NCAPD2: variants seen among roughly 807,000 people sequenced by gnomAD.
The protein encoded by NCAPD2 is non-SMC condensin I complex subunit D2.
In NCAPD2, 100 loss-of-function variants were observed where a neutral mutation model predicts 164.5. That is an observed-to-expected ratio of 0.61 (90% CI 0.52 to 0.72). The LOEUF is 0.72. NCAPD2 is among the 30% of genes least tolerant of loss of function. The pLI is 0.00. For missense variants in NCAPD2, 1,560 were observed against 1,749.2 expected (o/e 0.89, Z 1.93); for synonymous variants, 585 against 642.6 (o/e 0.91, Z 1.36).
intron 2 of NCAPD2, among the ~76,000 whole-genome samples, chr12:6,497,427 A>G (rs1945994401): frequency 1.3e-5 from 2 of 151,244 alleles, no homozygotes; most frequent in African/African-American, 2.4e-5. Context: ...TGTATTAGCT[A>G]TTTTTTTCTT....
In NCAPD2 at chr12:6,504,353, G is replaced by C. The variant is rs189660185; in HGVS notation, c.128-5364G>C. Among the ~76,000 whole-genome samples the C allele has an allele frequency of 1.3e-4, 20 of 151,396 alleles. No individual in the cohort carries two copies. In the East Asian group the frequency reaches 3.1e-3, roughly 23 times the overall value. On this transcript the variant is annotated intron_variant, in intron 2 of 31. Transcript: ENST00000315579. ...AAAACTTAAACACTTATAGCCTACT[G>C]TTGACCAGAAGCCTTACAAGTAACA...
intron 22 of NCAPD2, 143 bp downstream of exon 22, chr12:6,527,206 A>G: frequency 1.1e-6 from 1 of 909,890 alleles, no homozygotes; most frequent in Non-Finnish European, 1.6e-6. Context: ...ACCGTAGGAA[A>G]GGTTCGTGTG....
chr12:6,529,500 C>T lies in NCAPD2; in HGVS notation c.3573-13C>T, dbSNP rs7316224. Reference sequence around the variant, plus strand: ...CCTGGGCCATCGAACATCCTCATCTCCCCTTCCTGCAGACAGCTCCTCTCC... The same window carrying T: ...CCTGGGCCATCGAACATCCTCATCTTCCCTTCCTGCAGACAGCTCCTCTCC... On this transcript the variant is annotated splice_polypyrimidine_tract_variant and intron_variant, in intron 27 of 31. Coordinates refer to ENST00000315579, the MANE Select transcript of NCAPD2 (RefSeq NM_014865.4). 0.28 allele frequency: 444,605 copies of T among 1,612,308 alleles called. 65,294 individuals are homozygous for T. Among genetic ancestry groups the T allele is most frequent in the African/African-American group, 0.52 (38,621 of 74,890 alleles).
chr12:6,525,000 C>T (rs1455638030), intron 17 of NCAPD2, among the ~76,000 whole-genome samples: 3 of 151,988 alleles, frequency 2.0e-5, no homozygotes, highest in South Asian at 2.1e-4. Context: ...ACAGAAGGGA[C>T]GTGGGGAAGC....
At chr12:6,507,389 T>C (rs1353705381) in intron 2 of NCAPD2, among the ~76,000 whole-genome samples, 1 of 152,170 alleles carries the variant, frequency 6.6e-6, no homozygotes, top group African/African-American at 2.4e-5. Context: ...CTAAGGAAAA[T>C]GAACATTCAA....
At position 6,528,208 on chromosome 12, in the gene NCAPD2, T is replaced by C. The variant is rs1395790061; in HGVS notation, c.3179T>C (p.Phe1060Ser). The C allele has an allele frequency of 6.2e-7, 1 of 1,614,204 alleles. No homozygotes were observed. The highest frequency in any genetic ancestry group is 1.1e-5 in the South Asian group (1 of 91,082). The change falls in exon 25 of 32, where the codon TTC becomes TCC. Residue 1060 changes from phenylalanine (F) to serine (S), a missense_variant. Phe to Ser is a radical substitution (Grantham distance 155, BLOSUM62 -2). Transcript: ENST00000315579. The surrounding 1 kb of genome is among the most constrained non-coding windows in gnomAD (Gnocchi z 5.1). ...TFCDSQLRLL[F>S]TMLEKSPLPI... is the part of the protein sequence containing the mutation. ...TGCGACTCCCAGCTTCGTCTTCTGT[T>C]CACCATGCTGGAAAAGTCTCCACTT...
chr12:6,506,086 A>C (rs1946096817), intron 2 of NCAPD2, among the ~76,000 whole-genome samples: 1 of 151,730 alleles, frequency 6.6e-6, no homozygotes, highest in African/African-American at 2.4e-5. Context: ...AGCCTCCAGA[A>C]CAGCTAGGAC....
At chr12:6,510,462 T>C (rs1490721316) in intron 4 of NCAPD2, 167 bp from the exon 5 acceptor site, 8 of 837,674 alleles carry the variant, frequency 9.6e-6, no homozygotes, top group African/African-American at 1.7e-5. Context: ...CAGGGCATGT[T>C]CAGGGTATCA....
At chr12:6,514,186 A>T (rs1946178056) in intron 6 of NCAPD2, 79 bp from the exon 7 acceptor site, 4 of 1,579,090 alleles carry the variant, frequency 2.5e-6, no homozygotes, top group East Asian at 2.2e-5. Context: ...AGCAGTAGGG[A>T]TAGAATGAAT....
rs1565544111 is a variant in NCAPD2 at position 6,518,507 on chromosome 12, T to TTTTTTTTTTG, written c.1589+557_1589+558insGTTTTTTTTT. Among the ~76,000 whole-genome samples, 9 of 88,312 alleles carry TTTTTTTTTTG rather than the reference T, an allele frequency of 1.0e-4. 1 individual carries two copies. Among genetic ancestry groups the TTTTTTTTTTG allele is most frequent in the African/African-American group, 2.2e-4 (4 of 17,874 alleles). 57.9% of individuals were successfully genotyped at this position (88,312 alleles called of 152,430 possible). On this transcript the variant is annotated intron_variant, in intron 13 of 31. Transcript: ENST00000315579. ...AAGCCCTTACAGCCGTCAACAAGTT[T>TTTTTTTTTTG]TTTTTTTTTTTTTTTTTTTTTTTTT...
At chr12:6,502,040 G>A (rs1946043129) in intron 2 of NCAPD2, among the ~76,000 whole-genome samples, 1 of 152,168 alleles carries the variant, frequency 6.6e-6, no homozygotes, top group African/African-American at 2.4e-5. Flanking sequence ...AAGATGGGCA[G>A]CATTATGTGT....
In NCAPD2 at chr12:6,516,796, A is replaced by G. The variant is rs772696155; in HGVS notation, c.988-32A>G. 10 of 1,606,768 alleles carry G rather than the reference A, an allele frequency of 6.2e-6. No individual in the cohort carries two copies. The East Asian group carries it at 1.6e-4, about 25-fold the overall frequency. On this transcript the variant is annotated intron_variant, in intron 9 of 31. Coordinates refer to ENST00000315579, the MANE Select transcript of NCAPD2 (RefSeq NM_014865.4). ...CACAAGCAAGCTTCGCCTTGACTAA[A>G]GGTTTGACCCCTCTATGCTTCTCTC...
chr12:6,529,043 T>C lies in NCAPD2; in HGVS notation c.3572+4T>C, dbSNP rs1417287317. The C allele has an allele frequency of 6.2e-7, 1 of 1,611,600 alleles. No individual in the cohort carries two copies. Among genetic ancestry groups the C allele is most frequent in the Non-Finnish European group, 8.5e-7 (1 of 1,179,336 alleles). On this transcript the variant is annotated splice_donor_region_variant and intron_variant, in intron 27 of 31. Coordinates refer to ENST00000315579, the MANE Select transcript of NCAPD2 (RefSeq NM_014865.4). ...AGCCTTTCCACACCATCATGAAGTATTGCTCCCCGGGCCCTGGGGCACATT... is the reference window on the plus strand; with the variant it reads ...AGCCTTTCCACACCATCATGAAGTACTGCTCCCCGGGCCCTGGGGCACATT...
chr12:6,514,538 C>T lies in NCAPD2; in HGVS notation c.790C>T (p.Leu264=). 1 of 1,614,214 alleles carries T rather than the reference C, an allele frequency of 6.2e-7. No individual in the cohort carries two copies. Among genetic ancestry groups the T allele is most frequent in the Non-Finnish European group, 8.5e-7 (1 of 1,180,042 alleles). The change falls in exon 8 of 32, where the codon CTA becomes TTA. Residue 264 remains leucine (L), a synonymous_variant. Coordinates refer to ENST00000315579, the MANE Select transcript of NCAPD2 (RefSeq NM_014865.4). ...ACCTGTACTGGTTGCAGCCGTGAGT[C>T]TATGGGCAACTGACTATGGAATGAA... ...LAPVLVAAVS[L]WATDYGMKSI...
chr12:6,510,911 C>T (rs945532980), intron 5 of NCAPD2, 101 bp downstream of exon 5: 1 of 1,428,596 alleles, frequency 7.0e-7, no homozygotes, highest in East Asian at 2.3e-5. Context: ...TTTCTGTCCT[C>T]ATTGAGAATT....
intron 5 of NCAPD2, 98 bp downstream of exon 5, chr12:6,510,908 C>T: frequency 3.5e-6 from 5 of 1,434,114 alleles, no homozygotes; most frequent in Non-Finnish European, 3.8e-6. Flanking sequence ...TCCTTTCTGT[C>T]CTCATTGAGA....
Position 6,526,317 on chromosome 12 carries a change from C to G in NCAPD2, c.2512C>G (p.Arg838Gly), listed in dbSNP as rs527891354. The G allele has an allele frequency of 6.2e-7, 1 of 1,614,070 alleles. No individual in the cohort carries two copies. The highest frequency in any genetic ancestry group is 1.3e-5 in the African/African-American group (1 of 74,926). Reference sequence around the variant, plus strand: ...TCTGGGCAAACGTCACCCCCCCTTCCGGCTGCCTCAGGAACACAGGTTGTT... The same window carrying G: ...TCTGGGCAAACGTCACCCCCCCTTCGGGCTGCCTCAGGAACACAGGTTGTT... ...PSLGKRHPPF[R>G]LPQEHRLFER... is the part of the protein sequence containing the mutation. Residue 838 changes from arginine to glycine, a missense_variant, in exon 20 of 32, where the codon CGG becomes GGG. Arg to Gly is a moderately radical substitution (Grantham distance 125, BLOSUM62 -2). Coordinates refer to ENST00000315579, the MANE Select transcript of NCAPD2 (RefSeq NM_014865.4).
chr12:6,502,151 G>A lies in NCAPD2; in HGVS notation c.127+6926G>A, dbSNP rs531441437. ...GTGCCTTTAGTAGGTAAGAGAGTAC[G>A]TGATCTGGTACACGGGGAGGAGATG... is the stretch of plus-strand genomic sequence containing the variant. On this transcript the variant is annotated intron_variant, in intron 2 of 31. Coordinates refer to ENST00000315579, the MANE Select transcript of NCAPD2 (RefSeq NM_014865.4). 9.0e-4 allele frequency among the ~76,000 whole-genome samples: 137 copies of A among 152,232 alleles called. 1 individual carries two copies. Among genetic ancestry groups the A allele is most frequent in the African/African-American group, 3.1e-3 (127 of 41,538 alleles).
Position 6,510,770 on chromosome 12 carries a change from C to T in NCAPD2, c.404C>T (p.Ala135Val), listed in dbSNP as rs1431180887. Residue 135 changes from alanine (A) to valine (V), a missense_variant, in exon 5 of 32, where the codon GCC becomes GTC. By Grantham distance (64) the Ala-to-Val change is moderately conservative (BLOSUM62 0). Coordinates refer to ENST00000315579, the MANE Select transcript of NCAPD2 (RefSeq NM_014865.4). ...CTCCTGGAATCCTTTGAGACCATGG[C>T]CAGCCAGACAAACCTTGTGGACCTG... ...IRLLESFETM[A>V]SQTNLVDLDL... The T allele has an allele frequency of 1.2e-6, 2 of 1,614,122 alleles. No homozygotes were observed. Among genetic ancestry groups the T allele is most frequent in the South Asian group, 2.2e-5 (2 of 91,076 alleles).
Sources: gnomAD v4.1 joint callset for allele counts (sites outside exome capture counted in the v4.1 genomes callset) on GRCh38, gnomAD v4.1.1 for gene constraint, Gnocchi (gnomAD v3.1) non-coding constraint, MANE v1.5 for transcripts, NCBI Gene and HGNC (gene_info 2026-07-23, HGNC 2026-07-21) for gene names.